Variants in RNF181 observed in about 807,000 individuals in gnomAD.
RNF181 encodes E3 ubiquitin-protein ligase RNF181.
RNF181 carries 25 observed loss-of-function variants against 23.3 expected under a neutral mutation model. The ratio of observed to expected loss-of-function variants is 1.07; its 90% confidence interval spans 0.78 to 1.50. The LOEUF (loss-of-function observed/expected upper bound fraction) is 1.50. Ranked by LOEUF, RNF181 falls within the 40% of genes most tolerant of loss-of-function variation. RNF181 has a pLI of 0.00. For missense variants in RNF181, 167 were observed against 191.1 expected (o/e 0.87, Z 0.74); for synonymous variants, 62 against 70.9 (o/e 0.87, Z 0.63).
rs773369110 is a variant in RNF181, at chr2:85,596,816, C to G, written c.218-6C>G. On this transcript the variant is annotated splice_polypyrimidine_tract_variant and splice_region_variant and intron_variant, in intron 2 of 4. Coordinates refer to ENST00000306368, the MANE Select transcript of RNF181 (RefSeq NM_016494.4). The stretch of plus-strand genomic sequence containing the variant: ...CAGCTCTCCTGATCAGCACTCCTTC[C>G]TAAAGAGCTCAAGTGCCCCGTGTGT... 4 of 1,613,754 alleles carry G rather than the reference C, an allele frequency of 2.5e-6. No individual in the cohort carries two copies. In the South Asian group the frequency reaches 4.4e-5, roughly 18 times the overall value.
In RNF181 at chr2:85,595,788, G is replaced by A. The variant is rs375414610; in HGVS notation, c.25G>A (p.Asp9Asn). 58 of 1,613,856 alleles carry A rather than the reference G, an allele frequency of 3.6e-5. No homozygotes were observed. Among genetic ancestry groups the A allele is most frequent in the Non-Finnish European group, 4.7e-5 (56 of 1,180,000 alleles). The change falls in exon 1 of 5, where the codon GAC (aspartate) becomes AAC (asparagine). Residue 9 changes from aspartate (D) to asparagine (N), a missense_variant. Physicochemically the swap from Asp to Asn is conservative, Grantham distance 23. Coordinates refer to ENST00000306368, the MANE Select transcript of RNF181 (RefSeq NM_016494.4). MASYFDEH[D>N]CEPSDPEQET... is the part of the protein sequence containing the mutation. ...CATGGCGTCCTATTTCGATGAACAC[G>A]ACTGCGAGCCGTCGGACCCTGAGCA... is the stretch of plus-strand genomic sequence containing the variant.
intron 2 of RNF181, 65 bp downstream of exon 2, chr2:85,596,714 T>C: frequency 6.2e-7 from 1 of 1,613,322 alleles, no homozygotes. Flanking sequence ...CAGACTGTGG[T>C]CTGGTCCTTC....
rs781635687 is a variant in RNF181, at chr2:85,595,826, C to T, written c.63C>T (p.Thr21=). Residue 21 remains threonine (T), a synonymous_variant, in exon 1 of 5, where the codon ACC becomes ACT. Coordinates refer to ENST00000306368, the MANE Select transcript of RNF181 (RefSeq NM_016494.4). ...CGGACCCTGAGCAGGAGACGCGAAC[C>T]AACATGCTGCTGGAGCTCGCAAGGT... The part of the protein sequence containing the change: ...EPSDPEQETR[T]NMLLELARSL... The T allele has an allele frequency of 2.5e-6, 4 of 1,614,070 alleles. No homozygotes were observed. The highest frequency in any genetic ancestry group is 3.4e-6 in the Non-Finnish European group (4 of 1,179,992).
intron 4 of RNF181, 72 bp downstream of exon 4, chr2:85,597,250 C>T (rs1377184893): frequency 6.5e-5 from 94 of 1,444,538 alleles, no homozygotes; most frequent in Non-Finnish European, 8.1e-5. Context: ...CATCACTTCC[C>T]ACCTCAGCAG....
chr2:85,597,627 T>C lies in RNF181; in HGVS notation c.*123T>C. 6.8e-7 allele frequency: 1 copy of C among 1,476,348 alleles called. No homozygotes were observed. Among genetic ancestry groups the C allele is most frequent in the South Asian group, 1.4e-5 (1 of 72,330 alleles). 91.5% of individuals were successfully genotyped at this position (1,476,348 alleles called of 1,614,324 possible). A position where few individuals can be genotyped will look rare whatever the true frequency, so the allele number is the denominator to read the frequency against. ...AGACCTGGCCAGGGGCTCTGCATCCTCCATCAGGTCTCTACTTCTGTTGGG... is the reference window on the plus strand; with the variant it reads ...AGACCTGGCCAGGGGCTCTGCATCCCCCATCAGGTCTCTACTTCTGTTGGG... On this transcript the variant is annotated 3_prime_UTR_variant, in exon 5 of 5. Coordinates refer to ENST00000306368, the MANE Select transcript of RNF181 (RefSeq NM_016494.4).
rs1672690838 is a variant in RNF181, at chr2:85,597,091, C to T, written c.328-13C>T. 1 of 1,614,060 alleles carries T rather than the reference C, an allele frequency of 6.2e-7. No individual in the cohort carries two copies. The highest frequency in any genetic ancestry group is 1.3e-5 in the African/African-American group (1 of 74,932). On this transcript the variant is annotated splice_polypyrimidine_tract_variant and intron_variant, in intron 3 of 4. Coordinates refer to ENST00000306368, the MANE Select transcript of RNF181 (RefSeq NM_016494.4). The stretch of plus-strand genomic sequence containing the variant: ...ATCAGACCAAGGCTAGAACACTACT[C>T]TACTTTTCTCAGACAAATTCCTGTC...
At position 85,597,195 on chromosome 2, in the gene RNF181, A is replaced by T; in HGVS notation, c.402+17A>T. 4 of 1,601,240 alleles carry T rather than the reference A, an allele frequency of 2.5e-6. No individual in the cohort carries two copies. The highest frequency in any genetic ancestry group is 2.6e-6 in the Non-Finnish European group (3 of 1,170,592). On this transcript the variant is annotated intron_variant, in intron 4 of 4. Transcript: ENST00000306368. ...CGAGATAAGGTAGGGGCTGATGCTT[A>T]AGTGGAGGGGTCGTAATGGGCTCCC...
intron 4 of RNF181, 56 bp from the exon 5 acceptor site, chr2:85,597,389 C>G (rs1672698581): frequency 6.4e-7 from 1 of 1,550,956 alleles, no homozygotes; most frequent in Non-Finnish European, 8.7e-7. Flanking sequence ...CTGCCCATCC[C>G]CTCACCCATA....
intron 1 of RNF181, 55 bp from the exon 2 acceptor site, chr2:85,596,464 G>A: frequency 6.5e-7 from 1 of 1,534,940 alleles, no homozygotes; most frequent in Non-Finnish European, 8.8e-7. Flanking sequence ...TGGATTATGG[G>A]GACAAAGAAA....
chr2:85,597,414 G>A, intron 4 of RNF181, 31 bp from the exon 5 acceptor site: 2 of 1,588,474 alleles, frequency 1.3e-6, no homozygotes, highest in Non-Finnish European at 1.7e-6. Context: ...TTCAGTTTTG[G>A]CCCCTGCCCA....
At chr2:85,595,947 A>C (rs898356591) in intron 1 of RNF181, 98 bp downstream of exon 1, 1 of 986,600 alleles carries the variant, frequency 1.0e-6, no homozygotes, top group Non-Finnish European at 1.6e-6. Context: ...GATTCTGGGG[A>C]GGACAGATGA....
In RNF181 at chr2:85,597,430, C is replaced by G; in HGVS notation, c.403-15C>G. ...TCAGTTTTGGCCCCTGCCCAGCATG[C>G]CTTCTTTCCTTCAGGCTCGAAAACA... On this transcript the variant is annotated splice_polypyrimidine_tract_variant and intron_variant, in intron 4 of 4. Transcript: ENST00000306368. 3 of 1,601,854 alleles carry G rather than the reference C, an allele frequency of 1.9e-6. No individual in the cohort carries two copies. The highest frequency in any genetic ancestry group is 2.6e-6 in the Non-Finnish European group (3 of 1,175,004).
Position 85,596,597 on chromosome 2 carries a change from C to A in RNF181, c.165C>A (p.Ala55=). The A allele has an allele frequency of 6.2e-7, 1 of 1,614,098 alleles. No individual in the cohort carries two copies. The highest frequency in any genetic ancestry group is 8.5e-7 in the Non-Finnish European group (1 of 1,179,986). Residue 55 remains alanine (A), a synonymous_variant, in exon 2 of 5, where the codon GCC becomes GCA. Coordinates refer to ENST00000306368, the MANE Select transcript of RNF181 (RefSeq NM_016494.4). ...DWDHHLPPPA[A]KTVVENLPRT... is the part of the protein sequence containing the mutation. ...ACCACCACCTGCCTCCACCAGCTGCCAAGACTGTGGTTGAGAACCTCCCCA... is the reference window on the plus strand; with the variant it reads ...ACCACCACCTGCCTCCACCAGCTGCAAAGACTGTGGTTGAGAACCTCCCCA...
chr2:85,596,952 G>GC, intron 3 of RNF181, 21 bp downstream of exon 3: 1 of 1,614,144 alleles, frequency 6.2e-7, no homozygotes, highest in Non-Finnish European at 8.5e-7. Context: ...TCTTCTTCTA[G>GC]CTCTCACCGT....
Position 85,597,557 on chromosome 2 carries a change from C to T in RNF181, c.*53C>T. ...TGCGTCTTCCTTATTAACCTTGAAT[C>T]CTCATTAAAGGTTTCTTTACCCACC... On this transcript the variant is annotated 3_prime_UTR_variant, in exon 5 of 5. Coordinates refer to ENST00000306368, the MANE Select transcript of RNF181 (RefSeq NM_016494.4). The T allele has an allele frequency of 6.2e-7, 1 of 1,610,110 alleles. No individual in the cohort carries two copies. Among genetic ancestry groups the T allele is most frequent in the Non-Finnish European group, 8.5e-7 (1 of 1,178,336 alleles).
In RNF181 at chr2:85,597,684, G is replaced by C. The variant is rs1417473102; in HGVS notation, c.*180G>C. The stretch of plus-strand genomic sequence containing the variant: ...GATCCTAAATCGCAGAAGGCACCAG[G>C]CTGCGGTTTTCCTCCCTGCTGGCCC... On this transcript the variant is annotated 3_prime_UTR_variant, in exon 5 of 5. Coordinates refer to ENST00000306368, the MANE Select transcript of RNF181 (RefSeq NM_016494.4). The C allele has an allele frequency of 2.4e-6, 3 of 1,266,690 alleles. No homozygotes were observed. The highest frequency in any genetic ancestry group is 5.3e-5 in the East Asian group (2 of 37,934). The allele number at this position is 1,266,690 out of a possible 1,614,324, so 78.5% of individuals were successfully genotyped here. A position where few individuals can be genotyped will look rare whatever the true frequency, so the allele number is the denominator to read the frequency against.
intron 4 of RNF181, 53 bp downstream of exon 4, chr2:85,597,231 C>T: frequency 6.7e-7 from 1 of 1,498,610 alleles, no homozygotes; most frequent in Non-Finnish European, 9.2e-7. Flanking sequence ...TGAGTCCTGT[C>T]CCCGCTGCCA....
intron 3 of RNF181, 81 bp downstream of exon 3, chr2:85,597,012 A>T (rs1672688154): frequency 6.2e-7 from 1 of 1,613,860 alleles, no homozygotes; most frequent in Non-Finnish European, 8.5e-7. Context: ...CTGCTGGGGG[A>T]TGGAAGAAGA....
intron 4 of RNF181, 57 bp downstream of exon 4, chr2:85,597,235 G>A (rs760301859): frequency 5.2e-5 from 77 of 1,486,418 alleles, no homozygotes; most frequent in South Asian, 4.0e-4. Context: ...TCCTGTCCCC[G>A]CTGCCATCAC....
Sources: gnomAD v4.1 joint callset for allele counts on GRCh38, gnomAD v4.1.1 for gene constraint, MANE v1.5 for transcripts, NCBI Gene and HGNC (gene_info 2026-07-23, HGNC 2026-07-21) for gene names.